Variants in EYS observed in about 807,000 individuals in gnomAD.
EYS encodes the protein EGF-like photoreceptor maintenance factor.
Under a neutral mutation model 282.1 loss-of-function variants are expected in EYS, and 250 were observed. The ratio of observed to expected loss-of-function variants is 0.89; its 90% CI spans 0.80 to 0.98. The LOEUF (loss-of-function observed/expected upper bound fraction) is 0.98. Among genes scored for constraint, EYS ranks in the 50% least tolerant of loss-of-function variants. The pLI, the probability that EYS is intolerant of heterozygous loss-of-function variation, is 0.00. For synonymous variants in EYS, 1,355 were observed against 1,282.9 expected, an observed-to-expected ratio of 1.06 and a Z score of -1.20; for missense variants, 4,016 against 3,709.0, an observed-to-expected ratio of 1.08 and a Z score of -2.15.
Position 63,961,772 on chromosome 6 carries a change from C to G in EYS, c.7055+22611G>C, listed in dbSNP as rs1408806930. Among the ~76,000 whole-genome samples, 3 of 152,072 alleles carry G rather than the reference C, an allele frequency of 2.0e-5. No individual in the cohort carries two copies. In the East Asian group the frequency reaches 5.8e-4, roughly 29 times the overall value. On this transcript the variant is annotated intron_variant, in intron 35 of 42. Coordinates refer to ENST00000503581, the MANE Select transcript of EYS (RefSeq NM_001142800.2). ...TAGTCACCCCCTAAAGGTCCTACTT[C>G]TAAGTATTATCACATTGGGTATACA... is the stretch of plus-strand genomic sequence containing the variant.
chr6:64,640,983 T>A (rs1768130178), intron 22 of EYS, among the ~76,000 whole-genome samples: 2 of 152,186 alleles, frequency 1.3e-5, no homozygotes, highest in Non-Finnish European at 2.9e-5. Flanking sequence ...ATACAAAATA[T>A]TCAGTTGAAA....
intron 33 of EYS, among the ~76,000 whole-genome samples, chr6:64,004,905 A>G (rs1407966833): frequency 6.6e-6 from 1 of 152,122 alleles, no homozygotes; most frequent in African/African-American, 2.4e-5. Context: ...TCCTATTGTG[A>G]ATAGTGCTGT....
intron 36 of EYS, among the ~76,000 whole-genome samples, chr6:63,820,099 C>G (rs1771283170): frequency 6.6e-6 from 1 of 152,146 alleles, no homozygotes; most frequent in Admixed American, 6.5e-5. Flanking sequence ...ATTCATGTTT[C>G]CATAAAAAAG....
intron 26 of EYS, among the ~76,000 whole-genome samples, chr6:64,455,287 A>T (rs554991517): frequency 1.6e-4 from 25 of 152,278 alleles, no homozygotes; most frequent in African/African-American, 5.5e-4. Context: ...TTCTTAAAAT[A>T]GTTTACTAGT....
rs560426126 is a variant in EYS at position 65,433,533 on chromosome 6, T to A, written c.863-28166A>T. 1.1e-4 allele frequency among the ~76,000 whole-genome samples: 17 copies of A among 152,286 alleles called. No individual in the cohort carries two copies. The East Asian group carries it at 3.3e-3, about 29-fold the overall frequency. Reference sequence around the variant, plus strand: ...TAATCATGGAAATAATTAAATCATGTCTAAACTCATTATATGAGAGATGAA... The same window carrying A: ...TAATCATGGAAATAATTAAATCATGACTAAACTCATTATATGAGAGATGAA... On this transcript the variant is annotated intron_variant, in intron 5 of 42. Transcript: ENST00000503581.
chr6:65,238,782 AT>A (rs1447400561), intron 12 of EYS, among the ~76,000 whole-genome samples: 1 of 151,972 alleles, frequency 6.6e-6, no homozygotes, highest in African/African-American at 2.4e-5. Flanking sequence ...ATAGCCAAAT[AT>A]TTTTATGTCC....
intron 35 of EYS, among the ~76,000 whole-genome samples, chr6:63,952,179 A>G (rs1013275021): frequency 1.3e-5 from 2 of 152,250 alleles, no homozygotes; most frequent in South Asian, 2.1e-4. Flanking sequence ...ATCTTGCTTC[A>G]AGTGCCAGAA....
intron 5 of EYS, among the ~76,000 whole-genome samples, chr6:65,405,705 G>GC (rs1343183916): frequency 6.6e-6 from 1 of 151,932 alleles, no homozygotes; most frequent in Non-Finnish European, 1.5e-5. Flanking sequence ...TTGGTCTTTT[G>GC]CGACTGGCTT....
At chr6:65,460,041 A>T (rs755816252) in intron 5 of EYS, among the ~76,000 whole-genome samples, 2 of 126,984 alleles carry the variant, frequency 1.6e-5, no homozygotes, top group Non-Finnish European at 3.4e-5. Context: ...AATATATATC[A>T]CTGATATATG....
chr6:64,641,643 CTT>C, intron 22 of EYS, among the ~76,000 whole-genome samples: 1 of 152,102 alleles, frequency 6.6e-6, no homozygotes, highest in Non-Finnish European at 1.5e-5. Flanking sequence ...ACTTAAAAAA[CTT>C]TACTGTGTAA....
intron 30 of EYS, among the ~76,000 whole-genome samples, chr6:64,274,431 T>A (rs554852741): frequency 3.4e-5 from 5 of 145,000 alleles, no homozygotes; most frequent in Non-Finnish European, 7.5e-5. Context: ...TGTCTGCCTC[T>A]CAGCCTCCCA....
intron 22 of EYS, among the ~76,000 whole-genome samples, chr6:64,668,912 C>A (rs1583020417): frequency 6.6e-6 from 1 of 152,180 alleles, no homozygotes; most frequent in East Asian, 1.9e-4. Flanking sequence ...CTCTGACCAT[C>A]ATTTTTCCCA....
chr6:65,596,611 A>G (rs1761392582), intron 2 of EYS, among the ~76,000 whole-genome samples: 1 of 151,972 alleles, frequency 6.6e-6, no homozygotes, highest in Non-Finnish European at 1.5e-5. Context: ...CCAATTCTCC[A>G]CAGCATATTC....
At chr6:63,987,464 C>T (rs1407564750) in intron 34 of EYS, among the ~76,000 whole-genome samples, 3 of 151,650 alleles carry the variant, frequency 2.0e-5, no homozygotes, top group African/African-American at 7.3e-5. Context: ...TTTCTACTTT[C>T]CCACCCTCAG....
At chr6:64,371,946 TG>T (rs1772388027) in intron 29 of EYS, among the ~76,000 whole-genome samples, 1 of 152,072 alleles carries the variant, frequency 6.6e-6, no homozygotes, top group Admixed American at 6.5e-5. Flanking sequence ...AGAATAACAT[TG>T]GGTTTTGCTT....
At chr6:64,946,082 GTGAACA>G (rs1769281632) in intron 14 of EYS, among the ~76,000 whole-genome samples, 168 bp from the exon 15 acceptor site, 1 of 151,986 alleles carries the variant, frequency 6.6e-6, no homozygotes, top group South Asian at 2.1e-4. Flanking sequence ...TTAAAAGCGT[GTGAACA>G]GTATTCTTTA....
chr6:64,124,113 T>TAA (rs756021731), intron 31 of EYS, among the ~76,000 whole-genome samples: 3 of 152,196 alleles, frequency 2.0e-5, no homozygotes, highest in Non-Finnish European at 4.4e-5. Flanking sequence ...TGTACTGCTG[T>TAA]AAAAGATGTT....
intron 30 of EYS, among the ~76,000 whole-genome samples, chr6:64,299,783 G>C (rs1769169903): frequency 6.6e-6 from 1 of 152,188 alleles, no homozygotes; most frequent in Admixed American, 6.5e-5. Flanking sequence ...TAAACATAGA[G>C]CTCTGGGAAC....
At chr6:65,091,690 G>T (rs1401355101) in intron 12 of EYS, among the ~76,000 whole-genome samples, 2 of 152,226 alleles carry the variant, frequency 1.3e-5, no homozygotes, top group East Asian at 3.9e-4. Context: ...GGGAATGGCT[G>T]TGGCTTCTGT....
Sources: allele counts gnomAD v4.1 joint callset (sites outside exome capture counted in the v4.1 genomes callset), GRCh38; gene constraint gnomAD v4.1.1; transcripts MANE v1.5; gene names NCBI Gene and HGNC (gene_info 2026-07-23, HGNC 2026-07-21).